Variants in ANO1 observed in about 807,000 individuals in gnomAD.
ANO1 encodes anoctamin-1.
ANO1 carries 59 observed loss-of-function variants against 124.0 expected under a neutral mutation model. The ratio of observed to expected loss-of-function variants is 0.48; its 90% CI spans 0.39 to 0.59. The LOEUF (loss-of-function observed/expected upper bound fraction) is 0.59. Among genes scored for constraint, ANO1 ranks in the 20% least tolerant of loss-of-function variants. The pLI is 0.00. For missense variants in ANO1, 1,059 were observed against 1,328.0 expected, an observed-to-expected ratio of 0.80 and a Z score of 3.15; for synonymous variants, 529 against 532.0, an observed-to-expected ratio of 0.99 and a Z score of 0.08.
chr11:70,067,633 G>A (rs541415766), intron 1 of ANO1, among the ~76,000 whole-genome samples: 14 of 152,286 alleles, frequency 9.2e-5, no homozygotes, highest in African/African-American at 3.1e-4. Context: ...CGGCCTGTGC[G>A]TGTTTTGCTG....
At chr11:70,185,530 C>G in intron 24 of ANO1, 60 bp from the exon 25 acceptor site, 1 of 1,522,600 alleles carries the variant, frequency 6.6e-7, no homozygotes, top group Middle Eastern at 1.9e-4. Flanking sequence ...CTGCCTGACT[C>G]CAGCCAGAGC....
intron 1 of ANO1, among the ~76,000 whole-genome samples, chr11:70,007,116 T>C (rs4980723): frequency 0.77 from 117,557 of 152,044 alleles, 45,811 homozygotes; most frequent in East Asian, 1. Flanking sequence ...CTGGCAACCA[T>C]CATTTTACTT....
intron 18 of ANO1, among the ~76,000 whole-genome samples, chr11:70,162,488 G>C (rs2048091512): frequency 2.0e-5 from 3 of 152,150 alleles, no homozygotes; most frequent in African/African-American, 7.2e-5. Flanking sequence ...AAATGCGGCT[G>C]CTGGCCACTT....
At chr11:69,986,324 T>G (rs113882855) in intron 1 of ANO1, among the ~76,000 whole-genome samples, 1 of 151,932 alleles carries the variant, frequency 6.6e-6, no homozygotes, top group Non-Finnish European at 1.5e-5. Context: ...TCCTCCCCCC[T>G]CCGCGCTGCT....
chr11:70,132,585 G>A (rs71467474), intron 11 of ANO1, among the ~76,000 whole-genome samples: 3,107 of 152,334 alleles, frequency 0.02, 51 homozygotes, highest in Non-Finnish European at 0.03. Context: ...GGGTCACTCA[G>A]CTCCTGATTG....
At chr11:70,142,447 A>G (rs1329142951) in intron 11 of ANO1, among the ~76,000 whole-genome samples, 2 of 152,162 alleles carry the variant, frequency 1.3e-5, no homozygotes, top group African/African-American at 4.8e-5. Flanking sequence ...CCGGTGACTC[A>G]GAGCGAAAGA....
intron 1 of ANO1, among the ~76,000 whole-genome samples, chr11:70,040,725 G>A (rs1194987424): frequency 4.6e-5 from 7 of 152,172 alleles, no homozygotes; most frequent in Admixed American, 1.3e-4. Context: ...TCAGAGCCCG[G>A]TCGAAGGACA....
At chr11:70,011,170 G>A (rs1333163459) in intron 1 of ANO1, among the ~76,000 whole-genome samples, 1 of 152,162 alleles carries the variant, frequency 6.6e-6, no homozygotes, top group Non-Finnish European at 1.5e-5. Context: ...GTGCAGGAAG[G>A]GTGTCGAGGC....
At chr11:69,985,126 C>G (rs971375158), upstream of ANO1, among the ~76,000 whole-genome samples, 2 of 152,198 alleles carry the variant, frequency 1.3e-5, no homozygotes, top group Non-Finnish European at 2.9e-5. Context: ...GCTTCCTGCC[C>G]TGAGCCCATG....
intron 23 of ANO1, among the ~76,000 whole-genome samples, 186 bp from the exon 24 acceptor site, chr11:70,182,316 G>A (rs935318613): frequency 2.0e-5 from 3 of 152,240 alleles, no homozygotes; most frequent in African/African-American, 7.2e-5. Flanking sequence ...CCAGGGGGCT[G>A]AGAGGAACAC....
At chr11:69,995,244 C>T (rs4980709) in intron 1 of ANO1, among the ~76,000 whole-genome samples, 130,734 of 151,782 alleles carry the variant, frequency 0.86, 57,036 homozygotes, top group East Asian at 0.98. Flanking sequence ...GGACTACAGG[C>T]GCGTGCCACC....
intron 1 of ANO1, among the ~76,000 whole-genome samples, chr11:70,021,518 C>G (rs4980739): frequency 0.32 from 48,297 of 150,614 alleles, 8,398 homozygotes; most frequent in Admixed American, 0.4. Flanking sequence ...TAAACAGAAA[C>G]AGAATGGAAA....
At chr11:70,187,215 G>T (rs557177124) in intron 25 of ANO1, among the ~76,000 whole-genome samples, 3 of 152,352 alleles carry the variant, frequency 2.0e-5, no homozygotes, top group East Asian at 3.9e-4. Flanking sequence ...TCAGCCGGGG[G>T]TGCTCACACG....
chr11:70,069,545 C>T (rs918045408), intron 1 of ANO1, among the ~76,000 whole-genome samples: 12 of 152,130 alleles, frequency 7.9e-5, no homozygotes, highest in Non-Finnish European at 1.8e-4. Flanking sequence ...GGGAGGAGGA[C>T]ACTTGATTTT....
chr11:70,035,749 C>T (rs1555004343), intron 1 of ANO1, among the ~76,000 whole-genome samples: 1 of 152,086 alleles, frequency 6.6e-6, no homozygotes, highest in Non-Finnish European at 1.5e-5. Context: ...TGTTCAATTC[C>T]CACTTATGAG....
At chr11:70,102,050 G>A (rs191933135) in intron 2 of ANO1, among the ~76,000 whole-genome samples, 56 of 152,330 alleles carry the variant, frequency 3.7e-4, no homozygotes, top group African/African-American at 1.2e-3. Flanking sequence ...GGGGAAATAC[G>A]TTGTGGCTGC....
chr11:70,159,487 A>G (rs149816976), intron 16 of ANO1, among the ~76,000 whole-genome samples: 75 of 152,348 alleles, frequency 4.9e-4, no homozygotes, highest in Non-Finnish European at 8.7e-4. Flanking sequence ...AACCCCTGTC[A>G]CAAGGGCTTC....
Position 70,051,357 on chromosome 11 carries a change from G to A in ANO1, c.59-27185G>A, listed in dbSNP as rs558282045. ...TGTATAAACACACCACAGTTTTCCTGTTGATGAGCATTTGGGTTGTTTCCA... is the reference window on the plus strand; with the variant it reads ...TGTATAAACACACCACAGTTTTCCTATTGATGAGCATTTGGGTTGTTTCCA... On this transcript the variant is annotated intron_variant, in intron 1 of 27. Coordinates refer to the ANO1 transcript ENST00000531349. Among the ~76,000 whole-genome samples the A allele has an allele frequency of 5.3e-5, 8 of 152,296 alleles. No individual in the cohort carries two copies. In the East Asian group the frequency reaches 1.4e-3, roughly 26 times the overall value.
chr11:70,141,149 G>A (rs558621399), intron 11 of ANO1, among the ~76,000 whole-genome samples: 1 of 152,314 alleles, frequency 6.6e-6, no homozygotes, highest in South Asian at 2.1e-4. Flanking sequence ...GCCCTCTTGG[G>A]GTAGCAGGAA....
Sources: gnomAD v4.1 joint callset for allele counts (sites outside exome capture counted in the v4.1 genomes callset) on GRCh38, gnomAD v4.1.1 for gene constraint, MANE v1.5 for transcripts, NCBI Gene and HGNC (gene_info 2026-07-23, HGNC 2026-07-21) for gene names.